Variants in FNDC3A observed in about 807,000 individuals in gnomAD.
FNDC3A encodes fibronectin type III domain containing 3A.
In FNDC3A, 32 loss-of-function variants were observed where a neutral mutation model predicts 148.9. That is an observed-to-expected ratio of 0.21 (90% CI 0.16 to 0.29). FNDC3A has a LOEUF of 0.29. FNDC3A is among the 10% of genes least tolerant of loss of function. FNDC3A has a pLI of 1.00. For synonymous variants in FNDC3A, 472 were observed against 473.6 expected, an observed-to-expected ratio of 1.00 and a Z score of 0.04; for missense variants, 1,191 against 1,452.8, an observed-to-expected ratio of 0.82 and a Z score of 2.93.
chr13:49,136,728 C>A (rs1050737515), intron 6 of FNDC3A, 127 bp downstream of exon 6: 1 of 880,090 alleles, frequency 1.1e-6, no homozygotes. Context: ...CTGCTGCTTT[C>A]GACAGTTTGG....
intron 3 of FNDC3A, among the ~76,000 whole-genome samples, chr13:49,093,879 G>A (rs1448561420): frequency 6.6e-6 from 1 of 152,156 alleles, no homozygotes; most frequent in African/African-American, 2.4e-5. Flanking sequence ...ATTGCATGAT[G>A]CTGGGGCAAA....
In FNDC3A at chr13:49,207,300, C is replaced by G. The variant is rs774839278; in HGVS notation, c.3502C>G (p.Leu1168Val). The G allele has an allele frequency of 2.5e-6, 4 of 1,614,072 alleles. No homozygotes were observed. The highest frequency in any genetic ancestry group is 3.4e-6 in the Non-Finnish European group (4 of 1,180,004). Residue 1168 changes from leucine to valine, a missense_variant, in exon 26 of 26, where the codon CTG (leucine) becomes GTG (valine). Leu to Val is a conservative substitution (Grantham distance 32). Around this residue, in one of 3 missense-constraint regions of FNDC3A, gnomAD observed 751 missense variants for 944.0 expected, o/e 0.80. Transcript: ENST00000492622. ...GGAAAGCACAAGGACCCGACGGGCACTGAGTGACGAGCAGTGTGCTGCCGT... is the reference window on the plus strand; with the variant it reads ...GGAAAGCACAAGGACCCGACGGGCAGTGAGTGACGAGCAGTGTGCTGCCGT... ...TVESTRTRRA[L>V]SDEQCAAVIL...
intron 3 of FNDC3A, among the ~76,000 whole-genome samples, chr13:49,101,201 C>T (rs1358038323): frequency 5.9e-5 from 9 of 152,160 alleles, no homozygotes; most frequent in Admixed American, 5.9e-4. Context: ...TTGTCAGTCA[C>T]TCCCTGGCAA....
intron 8 of FNDC3A, 165 bp downstream of exon 8, chr13:49,146,100 G>A (rs1882979978): frequency 1.8e-6 from 1 of 555,914 alleles, no homozygotes; most frequent in Non-Finnish European, 3.1e-6. Flanking sequence ...ATGTAGCTTG[G>A]TACACATTTC....
intron 4 of FNDC3A, among the ~76,000 whole-genome samples, chr13:49,124,570 T>A (rs1031249551): frequency 6.6e-6 from 1 of 152,148 alleles, no homozygotes; most frequent in Non-Finnish European, 1.5e-5. Context: ...CAAGATTATG[T>A]ACTTTACACA....
chr13:49,206,394 A>C (rs562844743), intron 25 of FNDC3A, among the ~76,000 whole-genome samples: 1 of 152,080 alleles, frequency 6.6e-6, no homozygotes, highest in Non-Finnish European at 1.5e-5. Flanking sequence ...AGTTATTTAT[A>C]TCTCACTGAT....
intron 3 of FNDC3A, among the ~76,000 whole-genome samples, chr13:49,078,228 T>G (rs76516226): frequency 0.01 from 1,531 of 152,316 alleles, 33 homozygotes; most frequent in African/African-American, 0.034. Context: ...AAAGTTAATT[T>G]GTAACTGCAA....
At chr13:49,159,847 A>G (rs951740667) in intron 8 of FNDC3A, among the ~76,000 whole-genome samples, 1 of 152,214 alleles carries the variant, frequency 6.6e-6, no homozygotes, top group African/African-American at 2.4e-5. Context: ...ATTTTGTCAA[A>G]GGCCTTTTTC....
At chr13:49,000,674 T>C (rs1161266934) in intron 1 of FNDC3A, among the ~76,000 whole-genome samples, 2 of 152,224 alleles carry the variant, frequency 1.3e-5, no homozygotes, top group African/African-American at 2.4e-5. Flanking sequence ...AGTATGGACA[T>C]TTTAACAATA....
intron 2 of FNDC3A, among the ~76,000 whole-genome samples, chr13:49,055,231 G>T (rs1208181131): frequency 6.6e-6 from 1 of 151,938 alleles, no homozygotes; most frequent in Non-Finnish European, 1.5e-5. Flanking sequence ...AGCCTCCTGA[G>T]TAGCTGGGAA....
chr13:48,982,909 T>C (rs1304440116), intron 1 of FNDC3A, among the ~76,000 whole-genome samples: 1 of 152,192 alleles, frequency 6.6e-6, no homozygotes, highest in Admixed American at 6.5e-5. Flanking sequence ...TCTCCTAATA[T>C]AGACTGTACA....
intron 3 of FNDC3A, among the ~76,000 whole-genome samples, chr13:49,077,533 GACATTTAA>G (rs1392181004): frequency 2.6e-5 from 4 of 152,190 alleles, no homozygotes; most frequent in African/African-American, 9.6e-5. Context: ...CTTTTAGCCT[GACATTTAA>G]ACCTTATATA....
chr13:48,977,919 T>C (rs1190058826), intron 1 of FNDC3A, among the ~76,000 whole-genome samples: 4 of 152,174 alleles, frequency 2.6e-5, no homozygotes, highest in Non-Finnish European at 5.9e-5. Context: ...CTGGCTACCG[T>C]TAGCCACCTG....
At chr13:49,153,469 G>T (rs1883451256) in intron 8 of FNDC3A, among the ~76,000 whole-genome samples, 1 of 152,034 alleles carries the variant, frequency 6.6e-6, no homozygotes, top group Non-Finnish European at 1.5e-5. Context: ...TTTGTAGGTT[G>T]CCTGTTCACT....
chr13:49,174,683 T>C (rs1305448392), intron 12 of FNDC3A, 124 bp downstream of exon 12: 2 of 837,250 alleles, frequency 2.4e-6, no homozygotes, highest in Non-Finnish European at 3.6e-6. Flanking sequence ...TTTGTTGATA[T>C]AGTTAAGATG....
chr13:49,143,925 G>A (rs1882832569), intron 7 of FNDC3A, among the ~76,000 whole-genome samples: 1 of 151,812 alleles, frequency 6.6e-6, no homozygotes, highest in South Asian at 2.1e-4. Context: ...CGGGAGGGTG[G>A]CTTGAGGCCA....
intron 2 of FNDC3A, chr13:49,044,935 T>G (rs1875244531): frequency 3.5e-6 from 1 of 286,776 alleles, no homozygotes; most frequent in African/African-American, 2.3e-5. Flanking sequence ...TAGCTGTAGA[T>G]GTACTACCCT....
chr13:49,118,492 G>A (rs575559320), intron 4 of FNDC3A, among the ~76,000 whole-genome samples: 11 of 152,212 alleles, frequency 7.2e-5, no homozygotes, highest in Middle Eastern at 6.8e-3. Flanking sequence ...CTCCTGGAAC[G>A]CCAGCAAGAC....
At chr13:48,994,085 T>G (rs1251986857) in intron 1 of FNDC3A, among the ~76,000 whole-genome samples, 1 of 152,216 alleles carries the variant, frequency 6.6e-6, no homozygotes, top group Non-Finnish European at 1.5e-5. Context: ...TGATTGTCTC[T>G]TCATATATCC....
Sources: allele counts gnomAD v4.1 joint callset (sites outside exome capture counted in the v4.1 genomes callset), GRCh38; gene constraint gnomAD v4.1.1; regional missense constraint gnomAD v4.1.1; transcripts MANE v1.5; gene names NCBI Gene and HGNC (gene_info 2026-07-23, HGNC 2026-07-21).